OSCP1: variants seen among roughly 807,000 people sequenced by gnomAD.
The protein encoded by OSCP1 is organic solute carrier partner 1.
In OSCP1, 35 loss-of-function variants were observed where a neutral mutation model predicts 45.1. That is an observed-to-expected ratio of 0.78 (90% CI 0.59 to 1.03). The LOEUF (loss-of-function observed/expected upper bound fraction) is 1.03, where lower values mean the gene tolerates loss of function less well. Among genes scored for constraint, OSCP1 ranks in the 50% least tolerant of loss-of-function variants. OSCP1 has a pLI of 0.00. For missense variants in OSCP1, 400 were observed against 470.7 expected (o/e 0.85, Z 1.39); for synonymous variants, 179 against 180.1 (o/e 0.99, Z 0.05).
Position 36,417,985 on chromosome 1 carries a change from G to C in OSCP1, c.*154C>G. ...TCAAGAGTGAGTGCTCCTCAAGGGAGACTCACACAGTTCCTTACAACATAA... is the reference window on the plus strand; with the variant it reads ...TCAAGAGTGAGTGCTCCTCAAGGGACACTCACACAGTTCCTTACAACATAA... On this transcript the variant is annotated 3_prime_UTR_variant, in exon 10 of 10. Transcript: ENST00000235532. 3 of 592,818 alleles carry C rather than the reference G, an allele frequency of 5.1e-6. No homozygotes were observed. The East Asian group carries it at 8.6e-5, about 17-fold the overall frequency. 36.7% of individuals were successfully genotyped at this position (592,818 alleles called of 1,614,324 possible).
At chr1:36,442,491 A>G (rs901290599) in intron 1 of OSCP1, among the ~76,000 whole-genome samples, 14 of 152,244 alleles carry the variant, frequency 9.2e-5, no homozygotes, top group African/African-American at 3.1e-4. Flanking sequence ...AAATTGCTCA[A>G]GAAGTGTCAA....
chr1:36,424,009 G>A (rs573818459), intron 4 of OSCP1, among the ~76,000 whole-genome samples: 28 of 151,870 alleles, frequency 1.8e-4, no homozygotes, highest in Admixed American at 1.6e-3. Flanking sequence ...GCAGTGGCAC[G>A]ATCTTGCCTC....
At position 36,422,237 on chromosome 1, in the gene OSCP1, A is replaced by G. The variant is rs775558753; in HGVS notation, c.750-18T>C. 5 of 1,608,678 alleles carry G rather than the reference A, an allele frequency of 3.1e-6. No homozygotes were observed. Among genetic ancestry groups the G allele is most frequent in the Middle Eastern group, 3.3e-4 (2 of 6,056 alleles). ...CGCTGTACCTGGTGTGTCAACAGAA[A>G]ATGGTGACATTATCCAGCCCCTTTC... On this transcript the variant is annotated intron_variant, in intron 6 of 9. Coordinates refer to ENST00000235532, the MANE Select transcript of OSCP1 (RefSeq NM_145047.5).
intron 4 of OSCP1, among the ~76,000 whole-genome samples, chr1:36,427,299 C>CTTTTTT (rs71053929): frequency 0.13 from 12,914 of 95,900 alleles, 1,647 homozygotes; most frequent in East Asian, 0.3. Flanking sequence ...GGCGCCTGGC[C>CTTTTTT]TTTTTTTTTT....
At chr1:36,420,785 C>T (rs141889424) in intron 7 of OSCP1, among the ~76,000 whole-genome samples, 170 bp from the exon 8 acceptor site, 10 of 152,318 alleles carry the variant, frequency 6.6e-5, no homozygotes, top group African/African-American at 2.4e-4. Context: ...GAAAAACAAT[C>T]ACGTCAGTAG....
chr1:36,421,943 A>C (rs1647641817), intron 7 of OSCP1: 4 of 594,092 alleles, frequency 6.7e-6, no homozygotes, highest in Non-Finnish European at 1.2e-5. Flanking sequence ...GCCAAGCCTA[A>C]AATTACCTAA....
intron 2 of OSCP1, among the ~76,000 whole-genome samples, chr1:36,434,307 G>A (rs1648567821): frequency 1.3e-5 from 2 of 152,120 alleles, no homozygotes; most frequent in Admixed American, 1.3e-4. Context: ...TAATAATGAG[G>A]AAACTTGCCT....
chr1:36,435,352 G>A (rs897494853), intron 2 of OSCP1, among the ~76,000 whole-genome samples: 1 of 151,480 alleles, frequency 6.6e-6, no homozygotes, highest in Admixed American at 6.6e-5. Flanking sequence ...TTGCTATGTT[G>A]CCCAGGCTGG....
chr1:36,431,909 C>G, intron 3 of OSCP1, 27 bp from the exon 4 acceptor site: 1 of 1,606,658 alleles, frequency 6.2e-7, no homozygotes, highest in Admixed American at 1.7e-5. Context: ...GAAAGCAGCA[C>G]TTCACTTTCC....
intron 4 of OSCP1, among the ~76,000 whole-genome samples, chr1:36,425,952 C>T (rs1022337409): frequency 3.9e-5 from 6 of 152,018 alleles, no homozygotes; most frequent in African/African-American, 1.5e-4. Flanking sequence ...GCAGGCGTGA[C>T]TGTGGGTCTG....
chr1:36,443,481 T>C (rs1229822937), intron 1 of OSCP1, among the ~76,000 whole-genome samples: 1 of 152,210 alleles, frequency 6.6e-6, no homozygotes, highest in Non-Finnish European at 1.5e-5. Flanking sequence ...AAGGGGAAAC[T>C]GAAGCTTTTG....
intron 4 of OSCP1, among the ~76,000 whole-genome samples, chr1:36,429,033 C>G (rs986169709): frequency 6.6e-6 from 1 of 152,086 alleles, no homozygotes; most frequent in Non-Finnish European, 1.5e-5. Context: ...CCTCAATATC[C>G]CAAGTAGTTC....
chr1:36,418,929 G>GAAAA, intron 9 of OSCP1, 62 bp downstream of exon 9: 9 of 1,075,594 alleles, frequency 8.4e-6, no homozygotes, highest in African/African-American at 4.3e-5. Flanking sequence ...CCTGTCTCAA[G>GAAAA]AAAAAAAAAA....
intron 2 of OSCP1, among the ~76,000 whole-genome samples, chr1:36,433,209 T>C (rs58387066): frequency 1.6e-3 from 249 of 152,352 alleles, no homozygotes; most frequent in African/African-American, 5.7e-3. Flanking sequence ...AGGGAGGAAC[T>C]GGTGGGGACC....
At chr1:36,444,135 C>G (rs1649364105) in intron 1 of OSCP1, 1 of 1,380,216 alleles carries the variant, frequency 7.2e-7, no homozygotes, top group South Asian at 1.2e-5. Context: ...ATCTATGAAA[C>G]TTTACTTTTC....
chr1:36,448,280 T>C (rs1319958636), intron 1 of OSCP1, among the ~76,000 whole-genome samples: 2 of 152,158 alleles, frequency 1.3e-5, no homozygotes, highest in Non-Finnish European at 2.9e-5. Context: ...GCAGACTACC[T>C]ACCAGTCTGA....
chr1:36,425,867 G>A (rs1647932464), intron 4 of OSCP1, among the ~76,000 whole-genome samples: 1 of 152,148 alleles, frequency 6.6e-6, no homozygotes, highest in African/African-American at 2.4e-5. Flanking sequence ...CTTTAAAGCA[G>A]GACATGCTAC....
chr1:36,430,788 G>T (rs1270641862), intron 4 of OSCP1, among the ~76,000 whole-genome samples: 1 of 152,138 alleles, frequency 6.6e-6, no homozygotes, highest in African/African-American at 2.4e-5. Context: ...CTGAGTAGCT[G>T]GGACTACAGG....
chr1:36,435,696 G>T (rs1259671592), intron 2 of OSCP1, among the ~76,000 whole-genome samples: 1 of 151,636 alleles, frequency 6.6e-6, no homozygotes, highest in Non-Finnish European at 1.5e-5. Flanking sequence ...GCAATGGCGC[G>T]ATCTTGGCTC....
Sources: gnomAD v4.1 joint callset for allele counts (sites outside exome capture counted in the v4.1 genomes callset) on GRCh38, gnomAD v4.1.1 for gene constraint, MANE v1.5 for transcripts, NCBI Gene and HGNC (gene_info 2026-07-23, HGNC 2026-07-21) for gene names.